The following PTPRN2 variants were observed in gnomAD, a reference collection of about 807,000 sequenced individuals.
The protein encoded by PTPRN2 is protein tyrosine phosphatase receptor type N2, also known as receptor-type tyrosine-protein phosphatase N2.
In PTPRN2, 74 loss-of-function variants were observed where a neutral mutation model predicts 118.8. The observed-to-expected ratio is 0.62, with a 90% CI of 0.52 to 0.76. The LOEUF (loss-of-function observed/expected upper bound fraction) is 0.76. Ranked by LOEUF, PTPRN2 falls within the 30% of genes least tolerant of loss-of-function variation. The pLI, the probability that PTPRN2 is intolerant of heterozygous loss-of-function variation, is 0.00. For missense variants in PTPRN2, 1,481 were observed against 1,394.4 expected, an observed-to-expected ratio of 1.06 and a Z score of -0.99; for synonymous variants, 641 against 608.0, an observed-to-expected ratio of 1.05 and a Z score of -0.80.
At chr7:157,614,126 G>T in intron 15 of PTPRN2, 1 of 470,862 alleles carries the variant, frequency 2.1e-6, no homozygotes, top group Non-Finnish European at 4.4e-6. Context: ...AAGGAGGACG[G>T]AGAGGAGGGG....
chr7:157,943,315 A>C (rs748950145), intron 11 of PTPRN2, among the ~76,000 whole-genome samples: 2 of 152,188 alleles, frequency 1.3e-5, no homozygotes, highest in Non-Finnish European at 2.9e-5. Flanking sequence ...AGAGGGTCTC[A>C]GGGACTTCCC....
chr7:158,471,225 C>G (rs186726838), intron 2 of PTPRN2, among the ~76,000 whole-genome samples: 179 of 152,290 alleles, frequency 1.2e-3, no homozygotes, highest in African/African-American at 4.0e-3. Flanking sequence ...GGGTGGGGCT[C>G]TTCTTTGGAG....
chr7:157,994,556 A>AT (rs375512738), intron 11 of PTPRN2, among the ~76,000 whole-genome samples: 1 of 112,872 alleles, frequency 8.9e-6, no homozygotes. Flanking sequence ...TAAAATCAGC[A>AT]CCGCGTCCCC....
At chr7:157,975,598 T>A (rs1232760888) in intron 11 of PTPRN2, among the ~76,000 whole-genome samples, 1 of 152,128 alleles carries the variant, frequency 6.6e-6, no homozygotes, top group African/African-American at 2.4e-5. Flanking sequence ...TCAGTGAGTG[T>A]CACAGATGTC....
chr7:158,157,571 G>A (rs943840505), intron 6 of PTPRN2, among the ~76,000 whole-genome samples: 2 of 152,216 alleles, frequency 1.3e-5, no homozygotes, highest in African/African-American at 4.8e-5. Flanking sequence ...GAGCTGGGTG[G>A]AGCCGAGCAG....
At chr7:157,604,886 C>A (rs1184227241) in intron 15 of PTPRN2, among the ~76,000 whole-genome samples, 1 of 152,222 alleles carries the variant, frequency 6.6e-6, no homozygotes, top group African/African-American at 2.4e-5. Context: ...CTCCTCTTTG[C>A]TCTGTTTTTA....
At position 157,861,885 on chromosome 7, in the gene PTPRN2, A is replaced by G. The variant is rs1194902605; in HGVS notation, c.1788+36788T>C. 6.7e-6 allele frequency among the ~76,000 whole-genome samples: 1 copy of G among 148,726 alleles called. No individual in the cohort carries two copies. The highest frequency in any genetic ancestry group is 2.5e-5 in the African/African-American group (1 of 40,150). ...TGTGCCGGAGTCTGTCCTCCCCATC[A>G]CAGGGACACTGCTGCTTCGAGGACT... On this transcript the variant is annotated intron_variant, in intron 12 of 22. Transcript: ENST00000389418. This position sits in a 1 kb window ranked among gnomAD's most constrained non-coding sequence, Gnocchi z 5.8.
At chr7:158,329,549 A>G (rs996018263) in intron 2 of PTPRN2, among the ~76,000 whole-genome samples, 1 of 152,202 alleles carries the variant, frequency 6.6e-6, no homozygotes, top group Non-Finnish European at 1.5e-5. Context: ...TCGATGAGCC[A>G]GGAGGGGACT....
Position 157,548,735 on chromosome 7 carries a change from A to G in PTPRN2, c.2976+211T>C, listed in dbSNP as rs542816130. Among the ~76,000 whole-genome samples, 3 of 152,250 alleles carry G rather than the reference A, an allele frequency of 2.0e-5. No individual in the cohort carries two copies. The South Asian group carries it at 6.2e-4, about 32-fold the overall frequency. ...TTCCTAGGACTTGAGATGTGGCTGC[A>G]TCTGGAGGTGTTGCAGGAAACGCCA... On this transcript the variant is annotated intron_variant, in intron 22 of 22. Coordinates refer to ENST00000389418, the MANE Select transcript of PTPRN2 (RefSeq NM_002847.5).
At position 157,736,331 on chromosome 7, in the gene PTPRN2, C is replaced by G. The variant is rs767738874; in HGVS notation, c.1789-53394G>C. Among the ~76,000 whole-genome samples, 31 of 152,212 alleles carry G rather than the reference C, an allele frequency of 2.0e-4. 1 individual carries two copies. The highest frequency in any genetic ancestry group is 8.5e-4 in the Admixed American group (13 of 15,280). On this transcript the variant is annotated intron_variant, in intron 12 of 22. Coordinates refer to ENST00000389418, the MANE Select transcript of PTPRN2 (RefSeq NM_002847.5). The stretch of plus-strand genomic sequence containing the variant: ...CCCCCCAAATCCATCCATTGAAGCT[C>G]TGATCCCCATGTGCCTATATTTGGA...
At chr7:158,548,504 TG>T (rs1826438714) in intron 1 of PTPRN2, among the ~76,000 whole-genome samples, 1 of 152,212 alleles carries the variant, frequency 6.6e-6, no homozygotes, top group East Asian at 1.9e-4. Flanking sequence ...CGCCCGCTCT[TG>T]GTGACCCCTC....
At position 158,279,478 on chromosome 7, in the gene PTPRN2, G is replaced by A. The variant is rs376453841; in HGVS notation, c.277+37341C>T. Among the ~76,000 whole-genome samples, 37 of 152,264 alleles carry A rather than the reference G, an allele frequency of 2.4e-4. No homozygotes were observed. In the South Asian group the frequency reaches 3.7e-3, roughly 15 times the overall value. On this transcript the variant is annotated intron_variant, in intron 3 of 22. Coordinates refer to ENST00000389418, the MANE Select transcript of PTPRN2 (RefSeq NM_002847.5). Reference sequence around the variant, plus strand: ...ACTCCAGGCAGCCCAATGGGAGCTCGTCCCAGACAACCAAGAGAAAAAGAG... The same window carrying A: ...ACTCCAGGCAGCCCAATGGGAGCTCATCCCAGACAACCAAGAGAAAAAGAG...
At chr7:158,062,974 G>A (rs892437920) in intron 11 of PTPRN2, among the ~76,000 whole-genome samples, 1 of 152,238 alleles carries the variant, frequency 6.6e-6, no homozygotes, top group Non-Finnish European at 1.5e-5. Context: ...TGCACGACTG[G>A]CAGGCAGCTC....
chr7:158,498,556 T>G (rs1822118115), intron 1 of PTPRN2, among the ~76,000 whole-genome samples: 1 of 152,234 alleles, frequency 6.6e-6, no homozygotes, highest in Non-Finnish European at 1.5e-5. Context: ...AATCAGCTCT[T>G]GGTTTTTAAT....
intron 6 of PTPRN2, among the ~76,000 whole-genome samples, chr7:158,145,643 C>T (rs1350847553): frequency 6.6e-6 from 1 of 152,256 alleles, no homozygotes; most frequent in African/African-American, 2.4e-5. Context: ...GCTGCCAGTA[C>T]TGAACCAACA....
intron 1 of PTPRN2, among the ~76,000 whole-genome samples, chr7:158,539,137 T>G (rs1309082855): frequency 6.6e-6 from 1 of 152,224 alleles, no homozygotes; most frequent in Non-Finnish European, 1.5e-5. Flanking sequence ...AACAAGTAAC[T>G]GTCCCATTTT....
chr7:158,492,954 GA>G, intron 1 of PTPRN2, among the ~76,000 whole-genome samples: 1 of 152,356 alleles, frequency 6.6e-6, no homozygotes, highest in African/African-American at 2.4e-5. Flanking sequence ...ATGTCATTCT[GA>G]GGCCAAGAAG....
At chr7:158,144,004 G>C (rs1360850016) in intron 6 of PTPRN2, among the ~76,000 whole-genome samples, 2 of 152,140 alleles carry the variant, frequency 1.3e-5, no homozygotes, top group Non-Finnish European at 2.9e-5. Context: ...CCCCACTGCA[G>C]CTCCAGAGAA....
rs113558855 is a variant in PTPRN2 at position 157,547,688 on chromosome 7, C to T, written c.2976+1258G>A. Among the ~76,000 whole-genome samples the T allele has an allele frequency of 3.2e-3, 487 of 152,256 alleles. 2 individuals are homozygous for T. Among genetic ancestry groups the T allele is most frequent in the African/African-American group, 0.011 (456 of 41,546 alleles). ...GTAACCACACAGGGAAAAATCATCACGCAGCCACGCAGAAGCCTCCAGACA... is the reference window on the plus strand; with the variant it reads ...GTAACCACACAGGGAAAAATCATCATGCAGCCACGCAGAAGCCTCCAGACA... On this transcript the variant is annotated intron_variant, in intron 22 of 22. Transcript: ENST00000389418.
Sources: gnomAD v4.1 joint callset for allele counts (sites outside exome capture counted in the v4.1 genomes callset) on GRCh38, gnomAD v4.1.1 for gene constraint, Gnocchi (gnomAD v3.1) non-coding constraint, MANE v1.5 for transcripts, NCBI Gene and HGNC (gene_info 2026-07-23, HGNC 2026-07-21) for gene names.